DLC1: variants seen among roughly 807,000 people sequenced by gnomAD.
DLC1 encodes rho GTPase-activating protein 7.
A neutral mutation model predicts 140.3 loss-of-function variants in DLC1; 54 were observed. The ratio of observed to expected loss-of-function variants is 0.38; its 90% CI spans 0.31 to 0.48. The LOEUF (loss-of-function observed/expected upper bound fraction) is 0.48. Ranked by LOEUF, DLC1 falls within the 20% of genes least tolerant of loss-of-function variation. The pLI is 0.96. For synonymous variants in DLC1, 986 were observed against 728.1 expected (o/e 1.35, Z -5.70); for missense variants, 2,536 against 1,907.0 (o/e 1.33, Z -6.14).
At chr8:13,413,418 C>T (rs1326353258) in intron 2 of DLC1, among the ~76,000 whole-genome samples, 2 of 151,792 alleles carry the variant, frequency 1.3e-5, no homozygotes, top group Admixed American at 1.3e-4. Flanking sequence ...TTCTCTCTCT[C>T]TCTCCTACAC....
intron 2 of DLC1, among the ~76,000 whole-genome samples, chr8:13,440,660 T>A (rs997576020): frequency 6.6e-6 from 1 of 152,132 alleles, no homozygotes; most frequent in Non-Finnish European, 1.5e-5. Flanking sequence ...TTGAATTATT[T>A]CTCCCAGAAC....
intron 2 of DLC1, among the ~76,000 whole-genome samples, chr8:13,481,413 T>G (rs769691791): frequency 9.9e-5 from 15 of 152,022 alleles, no homozygotes; most frequent in Non-Finnish European, 1.6e-4. Flanking sequence ...GTGATGGGAG[T>G]GAGACCTTGT....
At chr8:13,200,922 T>A (rs2117065959) in intron 5 of DLC1, among the ~76,000 whole-genome samples, 1 of 152,284 alleles carries the variant, frequency 6.6e-6, no homozygotes, top group South Asian at 2.1e-4. Context: ...TTACGCATAT[T>A]ATAGAACCTA....
chr8:13,518,020 T>C (rs564343334), upstream of DLC1, among the ~76,000 whole-genome samples: 7 of 152,350 alleles, frequency 4.6e-5, no homozygotes, highest in East Asian at 7.7e-4. Flanking sequence ...GAAACCGTTA[T>C]AGTGGTGGAA....
chr8:13,372,762 C>T (rs1301565964), intron 4 of DLC1, among the ~76,000 whole-genome samples: 10 of 151,970 alleles, frequency 6.6e-5, no homozygotes, highest in Admixed American at 2.0e-4. Context: ...TTCTTTAGCA[C>T]AAGAGTTTTA....
chr8:13,392,583 A>G (rs1836809380), intron 4 of DLC1, among the ~76,000 whole-genome samples: 1 of 152,202 alleles, frequency 6.6e-6, no homozygotes, highest in African/African-American at 2.4e-5. Flanking sequence ...TTTGTGTTGC[A>G]TAAAAAATAA....
chr8:13,263,356 G>T (rs890255272), intron 5 of DLC1, among the ~76,000 whole-genome samples: 15 of 152,090 alleles, frequency 9.9e-5, no homozygotes, highest in Admixed American at 7.2e-4. Flanking sequence ...ACCTACCTCA[G>T]CTGTGTTTAT....
At chr8:13,428,291 A>G (rs890904799) in intron 2 of DLC1, among the ~76,000 whole-genome samples, 6 of 145,792 alleles carry the variant, frequency 4.1e-5, no homozygotes, top group African/African-American at 1.7e-4. Context: ...GTGGGTTTAT[A>G]TTAATATTTC....
Position 13,580,018 on chromosome 8 carries a change from C to T in DLC1, c.-126+24519G>A, listed in dbSNP as rs373097488. Among the ~76,000 whole-genome samples, 24 of 152,260 alleles carry T rather than the reference C, an allele frequency of 1.6e-4. No individual in the cohort carries two copies. In the East Asian group the frequency reaches 3.9e-3, roughly 24 times the overall value. On this transcript the variant is annotated intron_variant, in intron 1 of 1. Transcript: ENST00000631382. ...TCCAGGCACATGAGTTAATCTCAGA[C>T]ACATGCTCTAGGCTGAGACACATGA...
chr8:13,236,063 A>G (rs1829262089), intron 5 of DLC1, among the ~76,000 whole-genome samples: 1 of 152,076 alleles, frequency 6.6e-6, no homozygotes, highest in Non-Finnish European at 1.5e-5. Context: ...TTCTATACAA[A>G]TCTAAAATAT....
intron 2 of DLC1, among the ~76,000 whole-genome samples, chr8:13,489,846 A>T (rs556767356): frequency 6.6e-6 from 1 of 152,358 alleles, no homozygotes. Flanking sequence ...CATTATTTTC[A>T]GATATAATAA....
chr8:13,193,743 G>A (rs766243846), intron 5 of DLC1, among the ~76,000 whole-genome samples: 18 of 152,114 alleles, frequency 1.2e-4, no homozygotes, highest in Non-Finnish European at 1.9e-4. Flanking sequence ...TTAATTTTTG[G>A]TATCCCTTCT....
At chr8:13,422,443 A>C (rs1407979924) in intron 2 of DLC1, among the ~76,000 whole-genome samples, 1 of 151,870 alleles carries the variant, frequency 6.6e-6, no homozygotes, top group African/African-American at 2.4e-5. Context: ...TCTACATAAT[A>C]TAGTAATATT....
rs1202580741 is a variant in DLC1 at position 13,177,091 on chromosome 8, C to G, written c.1349-61434G>C. ...AACCAAGTGTTTACATTTCTTAACTCTCCCATAATTTTTAAAATTTTAATT... is the reference window on the plus strand; with the variant it reads ...AACCAAGTGTTTACATTTCTTAACTGTCCCATAATTTTTAAAATTTTAATT... On this transcript the variant is annotated intron_variant, in intron 5 of 17. Coordinates refer to ENST00000276297, the MANE Select transcript of DLC1 (RefSeq NM_182643.3). Among the ~76,000 whole-genome samples the G allele has an allele frequency of 2.6e-5, 4 of 152,158 alleles. No individual in the cohort carries two copies. The East Asian group carries it at 7.7e-4, about 29-fold the overall frequency.
intron 4 of DLC1, among the ~76,000 whole-genome samples, chr8:13,367,361 C>T (rs187609429): frequency 6.6e-6 from 1 of 152,252 alleles, no homozygotes; most frequent in African/African-American, 2.4e-5. Flanking sequence ...CTACACTGTC[C>T]TTAAAGATCC....
At chr8:13,193,466 A>G (rs1015022883) in intron 5 of DLC1, among the ~76,000 whole-genome samples, 2 of 152,160 alleles carry the variant, frequency 1.3e-5, no homozygotes, top group African/African-American at 4.8e-5. Flanking sequence ...TTAGTGCCAC[A>G]TCTGTACTAA....
At chr8:13,528,290 C>G (rs1168655974) in intron 1 of DLC1, among the ~76,000 whole-genome samples, 1 of 152,064 alleles carries the variant, frequency 6.6e-6, no homozygotes, top group Non-Finnish European at 1.5e-5. Context: ...ACAGTGTTTT[C>G]TTTCATGAAT....
chr8:13,313,884 A>G lies in DLC1; in HGVS notation c.1315-8582T>C, dbSNP rs367916228. ...TTTAATTTGAGGTTTGTCACCCCAA[A>G]CTAGCTATTACTAGGTGGGCCTATT... On this transcript the variant is annotated intron_variant, in intron 4 of 17. Transcript: ENST00000276297. Among the ~76,000 whole-genome samples the G allele has an allele frequency of 6.6e-5, 10 of 152,160 alleles. No homozygotes were observed. The East Asian group carries it at 1.7e-3, about 26-fold the overall frequency.
chr8:13,541,075 C>A (rs1338448179), intron 1 of DLC1, among the ~76,000 whole-genome samples: 1 of 152,218 alleles, frequency 6.6e-6, no homozygotes, highest in African/African-American at 2.4e-5. Context: ...GAAAATTAAC[C>A]AATTTTAAGT....
Sources: allele counts gnomAD v4.1 joint callset (sites outside exome capture counted in the v4.1 genomes callset), GRCh38; gene constraint gnomAD v4.1.1; transcripts MANE v1.5; gene names NCBI Gene and HGNC (gene_info 2026-07-23, HGNC 2026-07-21).